The following PILRB variants were observed in gnomAD, a reference collection of about 807,000 sequenced individuals.
The protein encoded by PILRB is paired immunoglobulin-like type 2 receptor beta.
A neutral mutation model predicts 20.5 loss-of-function variants in PILRB; 21 were observed. The ratio of observed to expected loss-of-function variants is 1.02; its 90% CI spans 0.72 to 1.47. The LOEUF is 1.47. Among genes scored for constraint, PILRB ranks in the 40% most tolerant of loss-of-function variants. The probability of loss-of-function intolerance (pLI) is 0.00; values close to 1 mark genes in which losing one functional copy is unlikely to be tolerated. For synonymous variants in PILRB, 133 were observed against 115.1 expected (o/e 1.16, Z -0.99); for missense variants, 253 against 272.1 (o/e 0.93, Z 0.49).
intron 3 of PILRB, among the ~76,000 whole-genome samples, chr7:100,361,965 A>G (rs1006304447): frequency 4.6e-5 from 7 of 152,150 alleles, no homozygotes; most frequent in African/African-American, 1.7e-4. Context: ...TTAACTATAT[A>G]AAAAAATTTT....
intron 2 of PILRB, 24 bp from the exon 3 acceptor site, chr7:100,359,313 C>G: frequency 6.2e-7 from 1 of 1,610,488 alleles, no homozygotes; most frequent in Non-Finnish European, 8.5e-7. Flanking sequence ...AGAAGAGGGT[C>G]TGCTCATTCC....
At chr7:100,366,802 C>A (rs1790702901) in intron 3 of PILRB, among the ~76,000 whole-genome samples, 1 of 151,958 alleles carries the variant, frequency 6.6e-6, no homozygotes, top group African/African-American at 2.4e-5. Flanking sequence ...ATAGAGGGAG[C>A]CAGGTTGGGG....
At chr7:100,367,221 G>T (rs766902843) in intron 3 of PILRB, 128 bp from the exon 4 acceptor site, 2 of 818,826 alleles carry the variant, frequency 2.4e-6, no homozygotes, top group Admixed American at 1.7e-5. Flanking sequence ...AACCCCACAA[G>T]CCCAGCCTGC....
Position 100,358,768 on chromosome 7 carries a change from C to G in PILRB, c.143C>G (p.Ser48Cys), listed in dbSNP as rs370340323. The change falls in exon 2 of 4, where the codon TCT becomes TGT. Residue 48 changes from serine (S) to cysteine (C), a missense_variant. Coordinates refer to ENST00000609309, the MANE Select transcript of PILRB (RefSeq NM_178238.4). Reference sequence around the variant, plus strand: ...CACCTCTCAGCCTCCATGGGTGGCTCTGTGGAAATCCCCTTCTCCTTCTAT... The same window carrying G: ...CACCTCTCAGCCTCCATGGGTGGCTGTGTGGAAATCCCCTTCTCCTTCTAT... ...PKHLSASMGGSVEIPFSFYYP... is the reference protein window; with the variant it reads ...PKHLSASMGGCVEIPFSFYYP... 6.2e-6 allele frequency: 10 copies of G among 1,613,838 alleles called. No individual in the cohort carries two copies. Among genetic ancestry groups the G allele is most frequent in the African/African-American group, 2.7e-5 (2 of 74,900 alleles).
At chr7:100,359,900 A>C (rs552458972) in intron 3 of PILRB, among the ~76,000 whole-genome samples, 1 of 152,170 alleles carries the variant, frequency 6.6e-6, no homozygotes, top group African/African-American at 2.4e-5. Flanking sequence ...GCACACGCTT[A>C]TAGTCCCAGC....
intron 3 of PILRB, among the ~76,000 whole-genome samples, chr7:100,362,509 C>T (rs1437652452): frequency 3.3e-5 from 5 of 151,812 alleles, no homozygotes; most frequent in Non-Finnish European, 7.4e-5. Context: ...GATTGAACAC[C>T]TTTCCTTTTT....
rs773509335 is a variant in PILRB at position 100,359,041 on chromosome 7, T to G, written c.416T>G (p.Leu139Trp). 28 of 1,613,982 alleles carry G rather than the reference T, an allele frequency of 1.7e-5. No individual in the cohort carries two copies. The highest frequency in any genetic ancestry group is 1.7e-5 in the Admixed American group (1 of 59,992). Residue 139 changes from leucine to tryptophan, a missense_variant, in exon 2 of 4, where the codon TTG (leucine) becomes TGG (tryptophan). By Grantham distance (61) the Leu-to-Trp change is moderately conservative (BLOSUM62 -2). Coordinates refer to ENST00000609309, the MANE Select transcript of PILRB (RefSeq NM_178238.4). ...ACCCGGAGATCAGGGAGGCAGCAGT[T>G]GCAGTCCATCAAGGGGACCAAACTC... ...LDTRRSGRQQ[L>W]QSIKGTKLTI... is the part of the protein sequence containing the mutation.
rs1790432274 is a variant in PILRB at position 100,358,626 on chromosome 7, C to T, written c.65-64C>T. 6 of 1,573,512 alleles carry T rather than the reference C, an allele frequency of 3.8e-6. No individual in the cohort carries two copies. The East Asian group carries it at 6.7e-5, about 18-fold the overall frequency. ...GTGAAGGTGTGGGAGGGTCTGGGGT[C>T]ACCCTCTTTGTGTCCTGAGGTGGTT... On this transcript the variant is annotated intron_variant, in intron 1 of 3. Coordinates refer to ENST00000609309, the MANE Select transcript of PILRB (RefSeq NM_178238.4).
rs1489622564 is a variant in PILRB at position 100,358,325 on chromosome 7, C to CCCTGCTGCT, written c.32_40dup (p.Leu11_Leu13dup). On this transcript the variant is annotated inframe_insertion, in exon 1 of 4. Coordinates refer to ENST00000609309, the MANE Select transcript of PILRB (RefSeq NM_178238.4). ...GCCATGGGTCGGCCCCTGCTGCTGCCCCTGCTGCTCCTGCTGCAGCCGCCA... is the reference window on the plus strand; with the variant it reads ...GCCATGGGTCGGCCCCTGCTGCTGCCCCTGCTGCTCCTGCTGCTCCTGCTGCAGCCGCCA... 8 of 1,612,826 alleles carry CCCTGCTGCT rather than the reference C, an allele frequency of 5.0e-6. No individual in the cohort carries two copies. Among genetic ancestry groups the CCCTGCTGCT allele is most frequent in the East Asian group, 2.2e-5 (1 of 44,750 alleles).
Position 100,367,640 on chromosome 7 carries a change from C to T in PILRB, c.*263C>T, listed in dbSNP as rs1300658183. 2 of 500,318 alleles carry T rather than the reference C, an allele frequency of 4.0e-6. No individual in the cohort carries two copies. Among genetic ancestry groups the T allele is most frequent in the Non-Finnish European group, 7.1e-6 (2 of 280,244 alleles). 31.0% of individuals were successfully genotyped at this position (500,318 alleles called of 1,614,324 possible). A position where few individuals can be genotyped will look rare whatever the true frequency, so the allele number is the denominator to read the frequency against. On this transcript the variant is annotated 3_prime_UTR_variant, in exon 4 of 4. Transcript: ENST00000609309. Reference sequence around the variant, plus strand: ...GAGGTCTGAACTCCACTGAATTAAACCACTGGCATTTGGGGGCTGTTTATT... The same window carrying T: ...GAGGTCTGAACTCCACTGAATTAAATCACTGGCATTTGGGGGCTGTTTATT...
intron 1 of PILRB, 84 bp downstream of exon 1, chr7:100,358,450 C>G (rs1045058484): frequency 1.3e-6 from 2 of 1,512,548 alleles, no homozygotes; most frequent in African/African-American, 2.7e-5. Context: ...ACATCTGGGG[C>G]AGGGGCCAGG....
At chr7:100,363,974 G>A (rs1328900787) in intron 3 of PILRB, among the ~76,000 whole-genome samples, 5 of 152,172 alleles carry the variant, frequency 3.3e-5, no homozygotes, top group Non-Finnish European at 2.9e-5. Context: ...CAGGCGTGGT[G>A]GCGCATGTCT....
chr7:100,358,721 T>C lies in PILRB; in HGVS notation c.96T>C (p.Leu32=). 6.2e-7 allele frequency: 1 copy of C among 1,613,928 alleles called. No individual in the cohort carries two copies. Among genetic ancestry groups the C allele is most frequent in the Non-Finnish European group, 8.5e-7 (1 of 1,179,942 alleles). Residue 32 remains leucine (L), a synonymous_variant, in exon 2 of 4, where the codon CTT becomes CTC. Transcript: ENST00000609309. ...CCACAGGATCTGGTCCAAGCTACCT[T>C]TATGGGGTCACTCAACCAAAACACC... ...GGSTGSGPSY[L]YGVTQPKHLS...
In PILRB at chr7:100,358,353, A is replaced by T. The variant is rs751236571; in HGVS notation, c.51A>T (p.Ala17=). 1 of 1,612,712 alleles carries T rather than the reference A, an allele frequency of 6.2e-7. No individual in the cohort carries two copies. Among genetic ancestry groups the T allele is most frequent in the Non-Finnish European group, 8.5e-7 (1 of 1,180,004 alleles). ...TGCTGCTCCTGCTGCAGCCGCCAGC[A>T]TTTCTGCAGCCTGGTGAGTACCCAG... The part of the protein sequence containing the change: ...LPLLLLLQPP[A]FLQPGGSTGS... The change falls in exon 1 of 4, where the codon GCA becomes GCT. Residue 17 remains alanine, a synonymous_variant. Coordinates refer to ENST00000609309, the MANE Select transcript of PILRB (RefSeq NM_178238.4).
intron 3 of PILRB, among the ~76,000 whole-genome samples, chr7:100,363,806 T>A (rs2130116084): frequency 6.6e-6 from 1 of 152,222 alleles, no homozygotes; most frequent in South Asian, 2.1e-4. Context: ...AACGATGTGG[T>A]ACTGAAATAA....
At chr7:100,362,074 AG>A (rs553311245) in intron 3 of PILRB, among the ~76,000 whole-genome samples, 15 of 152,272 alleles carry the variant, frequency 9.9e-5, no homozygotes, top group Admixed American at 4.6e-4. Flanking sequence ...AATGGAGAGC[AG>A]GGGGGTCAGC....
rs202213596 is a variant in PILRB at position 100,358,280 on chromosome 7, G to C, written c.-23G>C. ...CCTGGACAGCTCTGCTGGTCTCCCCGTCCCCTGGAGAAGAACAAGGCCATG... is the reference window on the plus strand; with the variant it reads ...CCTGGACAGCTCTGCTGGTCTCCCCCTCCCCTGGAGAAGAACAAGGCCATG... On this transcript the variant is annotated 5_prime_UTR_variant, in exon 1 of 4. Transcript: ENST00000609309. The C allele has an allele frequency of 1.2e-6, 2 of 1,611,648 alleles. No individual in the cohort carries two copies. The highest frequency in any genetic ancestry group is 2.7e-5 in the African/African-American group (2 of 74,878).
chr7:100,366,363 G>C (rs937532598), intron 3 of PILRB, among the ~76,000 whole-genome samples: 4 of 152,192 alleles, frequency 2.6e-5, no homozygotes, highest in African/African-American at 9.7e-5. Flanking sequence ...TGTAGAAGTG[G>C]AAGGGGAGGT....
intron 3 of PILRB, among the ~76,000 whole-genome samples, chr7:100,362,612 G>A (rs1790560961): frequency 6.6e-6 from 1 of 151,868 alleles, no homozygotes; most frequent in South Asian, 2.1e-4. Context: ...GGGTTCAAGC[G>A]ATTCTTCCAC....
Sources: gnomAD v4.1 joint callset for allele counts (sites outside exome capture counted in the v4.1 genomes callset) on GRCh38, gnomAD v4.1.1 for gene constraint, MANE v1.5 for transcripts, NCBI Gene and HGNC (gene_info 2026-07-23, HGNC 2026-07-21) for gene names.